The following TAS2R1 variants were observed in gnomAD, a reference collection of about 807,000 sequenced individuals.
The protein encoded by TAS2R1 is taste receptor type 2 member 1.
For synonymous variants in TAS2R1, 141 were observed against 134.2 expected (o/e 1.05, Z -0.35); for missense variants, 370 against 353.4 (o/e 1.05, Z -0.38).
chr5:9,795,867 C>A, the TAS2R1 span, among the ~76,000 whole-genome samples: 1 of 152,126 alleles, frequency 6.6e-6, no homozygotes, highest in East Asian at 1.9e-4. Context: ...TGAATATTGT[C>A]ATTTTATAGG....
intron 2 of TAS2R1, among the ~76,000 whole-genome samples, chr5:9,655,852 T>C (rs554395442): frequency 6.6e-6 from 1 of 150,484 alleles, no homozygotes; most frequent in Non-Finnish European, 1.5e-5. Context: ...CCTCTGTGGT[T>C]TTCTCTTTTT....
the TAS2R1 span, among the ~76,000 whole-genome samples, chr5:9,803,307 G>A: frequency 6.6e-6 from 1 of 152,160 alleles, no homozygotes; most frequent in African/African-American, 2.4e-5. Flanking sequence ...CTAAAAGTTT[G>A]GAAAATATAT....
At chr5:9,868,293 C>T in the TAS2R1 span, among the ~76,000 whole-genome samples, 5 of 152,250 alleles carry the variant, frequency 3.3e-5, no homozygotes, top group African/African-American at 1.2e-4. Context: ...CTGAAGCAAA[C>T]TTCTGCCTGG....
chr5:9,887,679 C>T, the TAS2R1 span, among the ~76,000 whole-genome samples: 3 of 152,214 alleles, frequency 2.0e-5, no homozygotes, highest in African/African-American at 7.2e-5. Context: ...TGTTACCAGG[C>T]TGCCACTAAG....
At chr5:9,767,275 C>T in the TAS2R1 span, among the ~76,000 whole-genome samples, 1 of 151,906 alleles carries the variant, frequency 6.6e-6, no homozygotes, top group Non-Finnish European at 1.5e-5. Context: ...CTCTCTACGT[C>T]GGTGCTCATA....
At chr5:9,700,751 C>T (rs1741462569) in intron 1 of TAS2R1, among the ~76,000 whole-genome samples, 1 of 152,094 alleles carries the variant, frequency 6.6e-6, no homozygotes, top group South Asian at 2.1e-4. Flanking sequence ...CTCTCCTTGG[C>T]CTGTAGATGA....
chr5:9,653,805 A>T (rs1471824355), intron 2 of TAS2R1, among the ~76,000 whole-genome samples: 1 of 152,194 alleles, frequency 6.6e-6, no homozygotes, highest in Non-Finnish European at 1.5e-5. Context: ...TCAAACTAAG[A>T]GCTATTCCCA....
upstream of TAS2R1, among the ~76,000 whole-genome samples, chr5:9,713,444 C>T (rs1458940386): frequency 6.6e-6 from 1 of 152,028 alleles, no homozygotes; most frequent in Non-Finnish European, 1.5e-5. Context: ...GCAAATGCGT[C>T]TTCTGCTGGT....
the TAS2R1 span, among the ~76,000 whole-genome samples, chr5:9,777,885 T>C: frequency 6.7e-6 from 1 of 149,810 alleles, no homozygotes; most frequent in African/African-American, 2.5e-5. Context: ...GTGTTTTTTT[T>C]TTTTTTGAGA....
the TAS2R1 span, among the ~76,000 whole-genome samples, chr5:9,817,192 G>A: frequency 2.3e-4 from 35 of 152,254 alleles, no homozygotes; most frequent in Admixed American, 1.2e-3. Context: ...CTCTGTGCAC[G>A]AGGTTTAATA....
At chr5:9,895,953 T>G in the TAS2R1 span, among the ~76,000 whole-genome samples, 3 of 152,254 alleles carry the variant, frequency 2.0e-5, no homozygotes, top group African/African-American at 7.2e-5. Context: ...ACATCCAGGG[T>G]TAGGGATGGG....
At chr5:9,696,745 G>A (rs1741364539) in intron 1 of TAS2R1, among the ~76,000 whole-genome samples, 2 of 151,726 alleles carry the variant, frequency 1.3e-5, no homozygotes, top group African/African-American at 4.8e-5. Context: ...CGGGTGTGGT[G>A]GCTCATGACT....
chr5:9,782,361 T>C, the TAS2R1 span, among the ~76,000 whole-genome samples: 2 of 151,776 alleles, frequency 1.3e-5, no homozygotes, highest in African/African-American at 4.8e-5. Flanking sequence ...AAAGCCACAG[T>C]ATCCAGTTTA....
At chr5:9,639,928 TA>T (rs1159190859) in intron 2 of TAS2R1, among the ~76,000 whole-genome samples, 1 of 152,184 alleles carries the variant, frequency 6.6e-6, no homozygotes, top group Admixed American at 6.5e-5. Flanking sequence ...ATGTCAGCAA[TA>T]AGGCTATTTT....
At chr5:9,715,959 T>C (rs570371395), upstream of TAS2R1, among the ~76,000 whole-genome samples, 1 of 152,334 alleles carries the variant, frequency 6.6e-6, no homozygotes, top group Non-Finnish European at 1.5e-5. Context: ...CATACGATTA[T>C]GTTATTTCGG....
chr5:9,859,811 G>A, the TAS2R1 span, among the ~76,000 whole-genome samples: 1 of 152,162 alleles, frequency 6.6e-6, no homozygotes, highest in African/African-American at 2.4e-5. Context: ...GAGCAAATGG[G>A]TCAAAGTCTC....
chr5:9,643,727 T>C (rs1232440440), intron 2 of TAS2R1, among the ~76,000 whole-genome samples: 1 of 152,182 alleles, frequency 6.6e-6, no homozygotes, highest in Non-Finnish European at 1.5e-5. Flanking sequence ...TGTTATATGG[T>C]GCACGACTGT....
intron 1 of TAS2R1, among the ~76,000 whole-genome samples, chr5:9,681,073 CAATA>C (rs562819419): frequency 2.0e-5 from 3 of 151,598 alleles, no homozygotes; most frequent in South Asian, 4.2e-4. Context: ...ATCAATCAAT[CAATA>C]TTTTAAAAAT....
the TAS2R1 span, among the ~76,000 whole-genome samples, chr5:9,719,568 T>A: frequency 1.4e-4 from 21 of 152,306 alleles, no homozygotes; most frequent in Non-Finnish European, 2.4e-4. Context: ...AGGACTTTTT[T>A]AATTATTCAT....
Sources: gnomAD v4.1 joint callset for allele counts (sites outside exome capture counted in the v4.1 genomes callset) on GRCh38, gnomAD v4.1.1 for gene constraint, MANE v1.5 for transcripts, NCBI Gene and HGNC (gene_info 2026-07-23, HGNC 2026-07-21) for gene names.